PTPRT: variants seen among roughly 807,000 people sequenced by gnomAD.
PTPRT encodes the protein receptor-type tyrosine-protein phosphatase T.
Under a neutral mutation model 176.8 loss-of-function variants are expected in PTPRT, and 56 were observed. The ratio of observed to expected loss-of-function variants is 0.32; its 90% CI spans 0.26 to 0.40. The LOEUF (loss-of-function observed/expected upper bound fraction) is 0.40, where lower values mean the gene tolerates loss of function less well. Ranked by LOEUF, PTPRT falls within the 10% of genes least tolerant of loss-of-function variation. PTPRT has a pLI of 1.00. For missense variants in PTPRT, 1,540 were observed against 1,908.2 expected (o/e 0.81, Z 3.60); for synonymous variants, 783 against 739.0 (o/e 1.06, Z -0.96).
intron 6 of PTPRT, among the ~76,000 whole-genome samples, chr20:42,750,020 A>C (rs1163106524): frequency 6.6e-6 from 1 of 152,210 alleles, no homozygotes; most frequent in Non-Finnish European, 1.5e-5. Flanking sequence ...ATGCTGAAAA[A>C]AAACTTAAAA....
intron 9 of PTPRT, among the ~76,000 whole-genome samples, chr20:42,369,615 C>A (rs988237533): frequency 6.6e-6 from 1 of 152,158 alleles, no homozygotes; most frequent in Admixed American, 6.5e-5. Context: ...GAGTTAGTCC[C>A]ATTGCAGGCT....
chr20:43,024,328 T>C (rs1269137880), intron 1 of PTPRT, among the ~76,000 whole-genome samples: 1 of 152,058 alleles, frequency 6.6e-6, no homozygotes, highest in East Asian at 1.9e-4. Context: ...TTACTACTAA[T>C]GCAAGAGGGG....
chr20:43,067,716 C>A (rs1359654678), intron 1 of PTPRT, among the ~76,000 whole-genome samples: 1 of 151,570 alleles, frequency 6.6e-6, no homozygotes, highest in Admixed American at 6.6e-5. Context: ...AATCCCAGCA[C>A]TTTGGGAGGC....
rs528678718 is a variant in PTPRT, at chr20:43,061,997, C to G, written c.88+127649G>C. Among the ~76,000 whole-genome samples the G allele has an allele frequency of 2.0e-5, 3 of 152,250 alleles. No individual in the cohort carries two copies. The South Asian group carries it at 6.2e-4, about 32-fold the overall frequency. The stretch of plus-strand genomic sequence containing the variant: ...TACGCTGAGCAAAAGCAGATGAACA[C>G]AAAACAGTACATACTGCATGTTTCC... On this transcript the variant is annotated intron_variant, in intron 1 of 30. Coordinates refer to ENST00000373187, the MANE Select transcript of PTPRT (RefSeq NM_007050.6).
rs71335878 is a variant in PTPRT at position 43,094,391 on chromosome 20, C to CTTTTTT, written c.88+95249_88+95254dup. 3.6e-3 allele frequency among the ~76,000 whole-genome samples: 231 copies of CTTTTTT among 64,548 alleles called. 2 individuals are homozygous for CTTTTTT. Among genetic ancestry groups the CTTTTTT allele is most frequent in the Non-Finnish European group, 5.1e-3 (181 of 35,376 alleles). The allele number at this position is 64,548 out of a possible 152,430, so 42.3% of individuals were successfully genotyped here. A position where few individuals can be genotyped will look rare whatever the true frequency, so the allele number is the denominator to read the frequency against. On this transcript the variant is annotated intron_variant, in intron 1 of 30. Coordinates refer to ENST00000373187, the MANE Select transcript of PTPRT (RefSeq NM_007050.6). The stretch of plus-strand genomic sequence containing the variant: ...ATGAGCCACCGCACCCGGCCTCTTT[C>CTTTTTT]TTTTTTTTTTTTTTTTTTTTTTTTC...
intron 1 of PTPRT, among the ~76,000 whole-genome samples, chr20:42,888,983 A>G (rs1293923570): frequency 6.6e-6 from 1 of 152,230 alleles, no homozygotes; most frequent in African/African-American, 2.4e-5. Context: ...ATAAGATTTA[A>G]GAAGGCTCAC....
intron 1 of PTPRT, among the ~76,000 whole-genome samples, chr20:42,895,882 T>A (rs2079287120): frequency 6.6e-6 from 1 of 152,182 alleles, no homozygotes; most frequent in Admixed American, 6.5e-5. Context: ...AATTCCCAGT[T>A]TTAGCAGTCA....
At chr20:42,547,988 T>G (rs549438821) in intron 7 of PTPRT, among the ~76,000 whole-genome samples, 1 of 151,980 alleles carries the variant, frequency 6.6e-6, no homozygotes, top group Non-Finnish European at 1.5e-5. Context: ...ACAAAAACTA[T>G]AATATGTTTA....
chr20:42,411,481 C>T (rs369166414), intron 9 of PTPRT, among the ~76,000 whole-genome samples: 6 of 128,520 alleles, frequency 4.7e-5, no homozygotes, highest in East Asian at 2.4e-4. Flanking sequence ...CGCACCATTG[C>T]ACTACAGCCT....
chr20:42,245,288 T>G (rs1339117632), intron 14 of PTPRT, among the ~76,000 whole-genome samples: 1 of 152,228 alleles, frequency 6.6e-6, no homozygotes, highest in Non-Finnish European at 1.5e-5. Context: ...CATATCATCC[T>G]GTTTATGTCC....
intron 1 of PTPRT, among the ~76,000 whole-genome samples, chr20:42,961,704 C>T (rs1471793412): frequency 1.3e-5 from 2 of 152,042 alleles, no homozygotes; most frequent in Admixed American, 6.6e-5. Context: ...AATGATGGGC[C>T]CCTAAAAATA....
chr20:42,425,731 C>A (rs190233568), intron 9 of PTPRT, among the ~76,000 whole-genome samples: 57 of 152,198 alleles, frequency 3.7e-4, no homozygotes, highest in African/African-American at 1.3e-3. Flanking sequence ...TAAACAGATA[C>A]AATTTTTATT....
chr20:42,191,253 A>T (rs1990990688), intron 16 of PTPRT, among the ~76,000 whole-genome samples: 1 of 152,142 alleles, frequency 6.6e-6, no homozygotes, highest in Admixed American at 6.5e-5. Context: ...AAAATGTAAA[A>T]TCTTTGATTT....
chr20:42,284,307 A>T (rs1424370929), intron 12 of PTPRT, among the ~76,000 whole-genome samples: 2 of 152,048 alleles, frequency 1.3e-5, no homozygotes, highest in Non-Finnish European at 2.9e-5. Context: ...CAAAAATAAA[A>T]GTATTGGTTA....
At chr20:42,318,444 C>T (rs17317153) in intron 11 of PTPRT, among the ~76,000 whole-genome samples, 16,491 of 152,042 alleles carry the variant, frequency 0.11, 1,003 homozygotes, top group South Asian at 0.17. Context: ...AATAGTAGCT[C>T]GACCAGTTGA....
chr20:42,848,284 A>C (rs2078411027), intron 2 of PTPRT, among the ~76,000 whole-genome samples: 1 of 152,182 alleles, frequency 6.6e-6, no homozygotes, highest in Non-Finnish European at 1.5e-5. Context: ...ATTGTGCTGC[A>C]TGTGTGTGCA....
intron 15 of PTPRT, among the ~76,000 whole-genome samples, chr20:42,206,584 A>T (rs1160695782): frequency 1.3e-5 from 2 of 152,212 alleles, no homozygotes; most frequent in African/African-American, 4.8e-5. Flanking sequence ...CGGGCTTAAA[A>T]AACGGCGAAC....
chr20:43,160,248 G>A (rs1343442813), intron 1 of PTPRT, among the ~76,000 whole-genome samples: 10 of 152,128 alleles, frequency 6.6e-5, no homozygotes, highest in African/African-American at 1.4e-4. Flanking sequence ...GAGGCCTCAC[G>A]GAGGCATCCA....
chr20:43,012,645 A>G (rs549437761), intron 1 of PTPRT, among the ~76,000 whole-genome samples: 13 of 152,332 alleles, frequency 8.5e-5, no homozygotes, highest in African/African-American at 3.1e-4. Flanking sequence ...CAAAGCCATG[A>G]GAAGAATGGG....
Sources: allele counts gnomAD v4.1 joint callset (sites outside exome capture counted in the v4.1 genomes callset), GRCh38; gene constraint gnomAD v4.1.1; transcripts MANE v1.5; gene names NCBI Gene and HGNC (gene_info 2026-07-23, HGNC 2026-07-21).